TMTC2: variants seen among roughly 807,000 people sequenced by gnomAD.
TMTC2 encodes protein O-mannosyl-transferase TMTC2.
In TMTC2, 43 loss-of-function variants were observed where a neutral mutation model predicts 82.4. That is an observed-to-expected ratio of 0.52 (90% CI 0.41 to 0.67). The LOEUF (loss-of-function observed/expected upper bound fraction) is 0.67. TMTC2 is among the 30% of genes least tolerant of loss of function. The pLI, the probability that TMTC2 is intolerant of heterozygous loss-of-function variation, is 0.00. For synonymous variants in TMTC2, 408 were observed against 381.9 expected (o/e 1.07, Z -0.80); for missense variants, 919 against 1,012.4 (o/e 0.91, Z 1.25).
At chr12:82,782,323 G>GA (rs1458512687) in intron 1 of TMTC2, among the ~76,000 whole-genome samples, 2 of 152,034 alleles carry the variant, frequency 1.3e-5, no homozygotes, top group Non-Finnish European at 2.9e-5. Context: ...TAAACTGATT[G>GA]AACAAAACGA....
At chr12:83,000,962 C>T (rs56119310) in intron 8 of TMTC2, among the ~76,000 whole-genome samples, 10,787 of 152,194 alleles carry the variant, frequency 0.071, 529 homozygotes, top group African/African-American at 0.13. Context: ...TACCTTGGCT[C>T]ATTTTAGTCA....
At chr12:82,923,614 A>T (rs372485163) in intron 3 of TMTC2, among the ~76,000 whole-genome samples, 13 of 151,968 alleles carry the variant, frequency 8.6e-5, no homozygotes, top group East Asian at 3.9e-4. Context: ...ACTTTTTCAC[A>T]TTTAACTTTT....
At chr12:83,108,188 G>A (rs1482151945) in intron 11 of TMTC2, among the ~76,000 whole-genome samples, 1 of 152,108 alleles carries the variant, frequency 6.6e-6, no homozygotes, top group Admixed American at 6.5e-5. Context: ...ATAGCAATGG[G>A]AGAATGGACT....
At chr12:83,066,933 GT>G (rs1399721227) in intron 11 of TMTC2, among the ~76,000 whole-genome samples, 1 of 151,940 alleles carries the variant, frequency 6.6e-6, no homozygotes, top group Non-Finnish European at 1.5e-5. Context: ...CAAGGAAGGA[GT>G]TAGAAGAAAG....
intron 1 of TMTC2, among the ~76,000 whole-genome samples, chr12:82,729,305 C>G (rs1040120949): frequency 6.6e-6 from 1 of 152,222 alleles, no homozygotes; most frequent in African/African-American, 2.4e-5. Context: ...GTGTCTAGCT[C>G]AGGGTTTGTG....
chr12:83,121,971 C>A (rs907324679), intron 11 of TMTC2, among the ~76,000 whole-genome samples: 2 of 152,096 alleles, frequency 1.3e-5, no homozygotes, highest in African/African-American at 4.8e-5. Flanking sequence ...AGCTCCCACA[C>A]GATCTGAAGG....
At chr12:83,045,727 G>GCACACACACACACACACACACACA (rs71068972) in intron 9 of TMTC2, among the ~76,000 whole-genome samples, 9 of 142,538 alleles carry the variant, frequency 6.3e-5, no homozygotes, top group South Asian at 2.3e-4. Context: ...ACACACACAC[G>GCACACACACACACACACACACACA]CACACACACA....
chr12:83,087,943 G>A (rs1230511228), intron 11 of TMTC2, among the ~76,000 whole-genome samples: 2 of 152,178 alleles, frequency 1.3e-5, no homozygotes, highest in Admixed American at 6.5e-5. Flanking sequence ...TTGAAGCCAG[G>A]CAGTGACTTC....
rs150374053 is a variant in TMTC2, at chr12:82,919,207, A to G, written c.1484-11224A>G. Among the ~76,000 whole-genome samples the G allele has an allele frequency of 8.1e-3, 1,241 of 152,358 alleles. 8 individuals carry two copies. The highest frequency in any genetic ancestry group is 0.013 in the Non-Finnish European group (902 of 68,028). ...AGAGAGCACATATGAGAGAAAAAGC[A>G]TGAGGGGCTGGGCTTGCTTTTATAA... On this transcript the variant is annotated intron_variant, in intron 3 of 11. Transcript: ENST00000321196.
At chr12:83,045,658 C>A (rs915662800) in intron 9 of TMTC2, among the ~76,000 whole-genome samples, 4 of 144,894 alleles carry the variant, frequency 2.8e-5, no homozygotes, top group Non-Finnish European at 6.0e-5. Context: ...TTAGGGAAGA[C>A]AATGCTGTTA....
intron 1 of TMTC2, among the ~76,000 whole-genome samples, chr12:82,788,661 A>C (rs748854006): frequency 6.6e-6 from 1 of 152,218 alleles, no homozygotes; most frequent in Admixed American, 6.5e-5. Flanking sequence ...GAACTTTTTC[A>C]TGTTCAGGAG....
At chr12:82,886,311 G>GA (rs1873096823) in intron 2 of TMTC2, among the ~76,000 whole-genome samples, 2 of 152,040 alleles carry the variant, frequency 1.3e-5, no homozygotes, top group African/African-American at 4.8e-5. Flanking sequence ...CACTTTATTG[G>GA]AAAATGGTAA....
chr12:82,950,556 T>C lies in TMTC2; in HGVS notation c.1599-14468T>C, dbSNP rs114660657. ...CATTTTAAGATAAGGTTGATACCTT[T>C]ATGGGTTCATTGTGAGAAATACATA... On this transcript the variant is annotated intron_variant, in intron 4 of 11. Coordinates refer to ENST00000321196, the MANE Select transcript of TMTC2 (RefSeq NM_152588.3). 5.5e-3 allele frequency among the ~76,000 whole-genome samples: 837 copies of C among 152,330 alleles called. 10 individuals carry two copies. The highest frequency in any genetic ancestry group is 0.02 in the African/African-American group (814 of 41,578).
intron 1 of TMTC2, among the ~76,000 whole-genome samples, chr12:82,832,748 A>G (rs892663495): frequency 6.6e-6 from 1 of 152,228 alleles, no homozygotes; most frequent in African/African-American, 2.4e-5. Context: ...AGAAAGTTCT[A>G]AACTTCTCTG....
chr12:82,895,403 G>A (rs1199916), intron 2 of TMTC2, among the ~76,000 whole-genome samples: 15,031 of 152,058 alleles, frequency 0.099, 2,158 homozygotes, highest in African/African-American at 0.32. Flanking sequence ...TCTAAACTAC[G>A]ATAAAATGAA....
In TMTC2 at chr12:82,855,348, T is replaced by G. The variant is rs1871207578; in HGVS notation, c.84-1662T>G. ...GGAACGTTTTCCCTGAATCCAGAGT[T>G]TTTCCAACCTGCTTTTCGGTAATAC... is the stretch of plus-strand genomic sequence containing the variant. On this transcript the variant is annotated intron_variant, in intron 1 of 11. Coordinates refer to ENST00000321196, the MANE Select transcript of TMTC2 (RefSeq NM_152588.3). 1.3e-5 allele frequency among the ~76,000 whole-genome samples: 2 copies of G among 152,148 alleles called. 1 individual carries two copies. The highest frequency in any genetic ancestry group is 2.9e-5 in the Non-Finnish European group (2 of 68,040).
chr12:82,846,156 C>T (rs946877807), intron 1 of TMTC2, among the ~76,000 whole-genome samples: 1 of 151,890 alleles, frequency 6.6e-6, no homozygotes, highest in East Asian at 1.9e-4. Context: ...GTCAGGAGTT[C>T]GAGACCAGCC....
At chr12:82,917,629 TCTCA>T (rs1354531871) in intron 3 of TMTC2, among the ~76,000 whole-genome samples, 2 of 151,862 alleles carry the variant, frequency 1.3e-5, no homozygotes, top group East Asian at 1.9e-4. Context: ...AGAGACAGAG[TCTCA>T]CTCTGTCACC....
chr12:83,023,716 C>G (rs1193906893), intron 8 of TMTC2, among the ~76,000 whole-genome samples: 1 of 152,230 alleles, frequency 6.6e-6, no homozygotes, highest in African/African-American at 2.4e-5. Context: ...CTTGTGAGGT[C>G]TCTTCGCCTA....
Sources: allele counts gnomAD v4.1 joint callset (sites outside exome capture counted in the v4.1 genomes callset), GRCh38; gene constraint gnomAD v4.1.1; transcripts MANE v1.5; gene names NCBI Gene and HGNC (gene_info 2026-07-23, HGNC 2026-07-21).